The following CA10 variants were observed in gnomAD, a reference collection of about 807,000 sequenced individuals.
The protein encoded by CA10 is carbonic anhydrase-related protein 10.
CA10 carries 14 observed loss-of-function variants against 44.2 expected under a neutral mutation model. The ratio of observed to expected loss-of-function variants is 0.32; its 90% CI spans 0.21 to 0.50. The LOEUF is 0.50. CA10 is among the 20% of genes least tolerant of loss of function. The pLI, the probability that CA10 is intolerant of heterozygous loss-of-function variation, is 0.99. For synonymous variants in CA10, 159 were observed against 141.6 expected, an observed-to-expected ratio of 1.12 and a Z score of -0.87; for missense variants, 350 against 409.7, an observed-to-expected ratio of 0.85 and a Z score of 1.26.
At chr17:51,652,542 C>T (rs1345618634) in intron 5 of CA10, among the ~76,000 whole-genome samples, 1 of 152,188 alleles carries the variant, frequency 6.6e-6, no homozygotes, top group Non-Finnish European at 1.5e-5. Context: ...GCCATGGATG[C>T]CCCATCCAGC....
At chr17:52,023,380 T>C (rs1986201415) in intron 2 of CA10, among the ~76,000 whole-genome samples, 1 of 152,142 alleles carries the variant, frequency 6.6e-6, no homozygotes, top group Non-Finnish European at 1.5e-5. Flanking sequence ...AAGGACTTTC[T>C]ATTCAATAAA....
chr17:51,634,473 T>A (rs1295111250), intron 7 of CA10, among the ~76,000 whole-genome samples: 1 of 152,182 alleles, frequency 6.6e-6, no homozygotes, highest in Non-Finnish European at 1.5e-5. Context: ...ATCTCTCCTT[T>A]AATTTGTTAT....
intron 3 of CA10, among the ~76,000 whole-genome samples, chr17:51,798,680 G>C (rs953407125): frequency 3.9e-5 from 6 of 152,140 alleles, no homozygotes. Flanking sequence ...TGTCACTAGT[G>C]GGAAGCACAA....
intron 3 of CA10, among the ~76,000 whole-genome samples, chr17:51,854,897 A>C (rs1464765292): frequency 6.6e-6 from 1 of 152,112 alleles, no homozygotes; most frequent in African/African-American, 2.4e-5. Context: ...CCTCGCAACT[A>C]CCTTATGCTC....
intron 3 of CA10, among the ~76,000 whole-genome samples, chr17:51,779,689 C>T (rs1430919679): frequency 6.6e-6 from 1 of 152,192 alleles, no homozygotes; most frequent in Admixed American, 6.5e-5. Context: ...CCAAGCTTTC[C>T]TGTTGAACCA....
chr17:52,023,118 C>T lies in CA10; in HGVS notation c.136+49201G>A, dbSNP rs116194754. ...AATTGGAAATATCAATCCTAAAATT[C>T]ATATGGAACTTGAAAAGAGCCCAAA... On this transcript the variant is annotated intron_variant, in intron 2 of 8. Coordinates refer to ENST00000451037, the MANE Select transcript of CA10 (RefSeq NM_020178.5). Among the ~76,000 whole-genome samples the T allele has an allele frequency of 1.6e-3, 247 of 152,126 alleles. 2 individuals are homozygous for T. The highest frequency in any genetic ancestry group is 5.7e-3 in the African/African-American group (238 of 41,548).
At chr17:52,011,458 A>G (rs1346860594) in intron 2 of CA10, among the ~76,000 whole-genome samples, 1 of 152,096 alleles carries the variant, frequency 6.6e-6, no homozygotes, top group East Asian at 1.9e-4. Context: ...AATAATCATA[A>G]TAAAGTGGAA....
chr17:51,633,346 T>C, intron 8 of CA10, 130 bp downstream of exon 8: 2 of 859,882 alleles, frequency 2.3e-6, no homozygotes, highest in Non-Finnish European at 3.5e-6. Context: ...GCAAATGGAG[T>C]GTGATGGCTA....
At chr17:51,835,955 A>T (rs1330162920) in intron 3 of CA10, among the ~76,000 whole-genome samples, 1 of 152,206 alleles carries the variant, frequency 6.6e-6, no homozygotes, top group Non-Finnish European at 1.5e-5. Context: ...GAAGAACATG[A>T]ATAAAGGCAT....
chr17:51,895,261 A>T (rs1043224905), intron 3 of CA10, among the ~76,000 whole-genome samples: 1 of 152,066 alleles, frequency 6.6e-6, no homozygotes, highest in African/African-American at 2.4e-5. Flanking sequence ...AGACAATTAC[A>T]TTATTTGCTA....
chr17:52,063,053 A>G (rs1487511598), intron 2 of CA10, among the ~76,000 whole-genome samples: 2 of 152,252 alleles, frequency 1.3e-5, no homozygotes, highest in Non-Finnish European at 1.5e-5. Context: ...CAGTATGCCC[A>G]GGATGCAGGA....
intron 3 of CA10, chr17:51,761,490 A>G (rs2143637706): frequency 6.6e-6 from 1 of 152,336 alleles, no homozygotes; most frequent in South Asian, 2.1e-4. Flanking sequence ...AACTGAAAAG[A>G]TAAATGACAT....
intron 3 of CA10, among the ~76,000 whole-genome samples, chr17:51,822,192 G>C (rs1304083993): frequency 1.3e-5 from 2 of 152,134 alleles, no homozygotes; most frequent in African/African-American, 4.8e-5. Flanking sequence ...GGGAGGCTGA[G>C]GCAGGCAGAT....
At chr17:51,992,717 A>T (rs1231988264) in intron 2 of CA10, among the ~76,000 whole-genome samples, 1 of 152,016 alleles carries the variant, frequency 6.6e-6, no homozygotes, top group African/African-American at 2.4e-5. Context: ...TTCATCTCCA[A>T]TACCTGACAC....
intron 4 of CA10, among the ~76,000 whole-genome samples, chr17:51,723,808 C>A (rs1916431698): frequency 6.6e-6 from 1 of 152,224 alleles, no homozygotes; most frequent in South Asian, 2.1e-4. Flanking sequence ...TTCCCCTCTG[C>A]CCTCTTTTCC....
chr17:51,670,641 C>T (rs1027937930), intron 4 of CA10, among the ~76,000 whole-genome samples: 4 of 152,184 alleles, frequency 2.6e-5, no homozygotes, highest in Non-Finnish European at 4.4e-5. Context: ...ATCCATACTT[C>T]CCCAAGTTTC....
chr17:51,933,902 G>T (rs575199353), intron 2 of CA10, among the ~76,000 whole-genome samples: 1 of 152,222 alleles, frequency 6.6e-6, no homozygotes, highest in South Asian at 2.1e-4. Context: ...TGCCCAAAAA[G>T]TACCCCCGCA....
intron 3 of CA10, among the ~76,000 whole-genome samples, chr17:51,756,249 C>G (rs994838359): frequency 6.6e-6 from 1 of 152,114 alleles, no homozygotes; most frequent in East Asian, 1.9e-4. Context: ...CTCATTTCAC[C>G]CTTATGCTGC....
chr17:52,078,567 C>A lies in CA10; in HGVS notation c.62-6174G>T, dbSNP rs1468566002. 3.9e-5 allele frequency among the ~76,000 whole-genome samples: 6 copies of A among 152,168 alleles called. No homozygotes were observed. In the South Asian group the frequency reaches 1.2e-3, roughly 31 times the overall value. On this transcript the variant is annotated intron_variant, in intron 1 of 8. Transcript: ENST00000451037. ...TTCCCTCAGAAATTGCATTTCTCCA[C>A]TGGAGGAGGTAATTCAAGGAGGAAG...
Sources: allele counts gnomAD v4.1 joint callset (sites outside exome capture counted in the v4.1 genomes callset), GRCh38; gene constraint gnomAD v4.1.1; transcripts MANE v1.5; gene names NCBI Gene and HGNC (gene_info 2026-07-23, HGNC 2026-07-21).